Variants in USP43 observed in about 807,000 individuals in gnomAD.
The protein encoded by USP43 is ubiquitin carboxyl-terminal hydrolase 43.
USP43 carries 33 observed loss-of-function variants against 90.7 expected under a neutral mutation model. That is an observed-to-expected ratio of 0.36 (90% CI 0.28 to 0.49). The LOEUF (loss-of-function observed/expected upper bound fraction) is 0.49, where lower values mean the gene tolerates loss of function less well. Ranked by LOEUF, USP43 falls within the 20% of genes least tolerant of loss-of-function variation. The pLI is 0.98. For synonymous variants in USP43, 598 were observed against 615.8 expected (o/e 0.97, Z 0.43); for missense variants, 1,274 against 1,476.4 (o/e 0.86, Z 2.25).
chr17:9,728,323 C>T lies in USP43; in HGVS notation c.2705C>T (p.Ala902Val), dbSNP rs1244381254. The stretch of plus-strand genomic sequence containing the variant: ...TCGGCTCAACCCAACCACTGTCTGG[C>T]CCCTGGAAACTCAGATGGTCCAAAC... ...CPSAQPNHCLAPGNSDGPNTA... is the reference protein window; with the variant it reads ...CPSAQPNHCLVPGNSDGPNTA... Residue 902 changes from alanine (A) to valine (V), a missense_variant, in exon 15 of 15, where the codon GCC becomes GTC. Physicochemically the swap from Ala to Val is moderately conservative, Grantham distance 64. Around this residue, in one of 6 missense-constraint regions of USP43, gnomAD observed 353 missense variants for 329.7 expected, o/e 1.07. Transcript: ENST00000285199. The surrounding 1 kb of genome is among the most constrained non-coding windows in gnomAD (Gnocchi z 6.2). 2 of 1,612,388 alleles carry T rather than the reference C, an allele frequency of 1.2e-6. No homozygotes were observed. The highest frequency in any genetic ancestry group is 1.7e-5 in the Admixed American group (1 of 59,740).
At chr17:9,691,667 G>A (rs1253294691) in intron 8 of USP43, among the ~76,000 whole-genome samples, 1 of 152,114 alleles carries the variant, frequency 6.6e-6, no homozygotes, top group African/African-American at 2.4e-5. Flanking sequence ...TTCTACAGCA[G>A]CTGTACCATC....
At position 9,729,215 on chromosome 17, in the gene USP43, A is replaced by G. The variant is rs182331217; in HGVS notation, c.*225A>G. The stretch of plus-strand genomic sequence containing the variant: ...TTCCTGCATCATTGGGTGCTTTGCT[A>G]CAGTTTGGCCACTAGAGGATGCTAT... On this transcript the variant is annotated 3_prime_UTR_variant, in exon 15 of 15. Coordinates refer to ENST00000285199, the MANE Select transcript of USP43 (RefSeq NM_153210.5). 7 of 367,960 alleles carry G rather than the reference A, an allele frequency of 1.9e-5. No individual in the cohort carries two copies. The highest frequency in any genetic ancestry group is 4.2e-5 in the African/African-American group (2 of 47,934). 22.8% of individuals were successfully genotyped at this position (367,960 alleles called of 1,614,324 possible). A position where few individuals can be genotyped will look rare whatever the true frequency, so the allele number is the denominator to read the frequency against.
chr17:9,645,430 T>C (rs572410835), upstream of USP43: 1,139 of 341,918 alleles, frequency 3.3e-3, 13 homozygotes, highest in African/African-American at 0.023. This position sits in a 1 kb window ranked among gnomAD's most constrained non-coding sequence, Gnocchi z 6.8. Flanking sequence ...GGCCCGGCGC[T>C]GCCCTGGAGG....
chr17:9,704,964 G>A (rs1915792872), intron 12 of USP43, among the ~76,000 whole-genome samples: 1 of 152,130 alleles, frequency 6.6e-6, no homozygotes, highest in African/African-American at 2.4e-5. Context: ...AATCTCAAAT[G>A]CCTTTTGTTT....
chr17:9,680,432 T>G, intron 6 of USP43, 66 bp downstream of exon 6: 1 of 1,581,270 alleles, frequency 6.3e-7, no homozygotes, highest in South Asian at 1.1e-5. Context: ...AGGATACTCC[T>G]TGGGTGCAAA....
At chr17:9,654,169 A>ATTTTTTTT (rs1268984626) in intron 1 of USP43, among the ~76,000 whole-genome samples, 1 of 152,240 alleles carries the variant, frequency 6.6e-6, no homozygotes, top group African/African-American at 2.4e-5. Context: ...TGCCCAGCTG[A>ATTTTTTTT]CTTTTAATTG....
chr17:9,717,076 T>C lies in USP43; in HGVS notation c.2335+4944T>C, dbSNP rs576345194. Among the ~76,000 whole-genome samples, 3 of 151,288 alleles carry C rather than the reference T, an allele frequency of 2.0e-5. No homozygotes were observed. The East Asian group carries it at 5.9e-4, about 30-fold the overall frequency. ...ACTTGAACCCAGGAAGGAGAATCACTTGAACCCAGGAGGTGGAGGTTGCAA... is the reference window on the plus strand; with the variant it reads ...ACTTGAACCCAGGAAGGAGAATCACCTGAACCCAGGAGGTGGAGGTTGCAA... On this transcript the variant is annotated intron_variant, in intron 14 of 14. Coordinates refer to ENST00000285199, the MANE Select transcript of USP43 (RefSeq NM_153210.5).
intron 14 of USP43, among the ~76,000 whole-genome samples, chr17:9,722,406 G>C (rs117937664): frequency 6.6e-6 from 1 of 152,132 alleles, no homozygotes; most frequent in Non-Finnish European, 1.5e-5. Flanking sequence ...TTCAGAGGCC[G>C]TCTTATAATT....
At chr17:9,682,536 C>T (rs1914352043) in intron 6 of USP43, among the ~76,000 whole-genome samples, 1 of 152,244 alleles carries the variant, frequency 6.6e-6, no homozygotes, top group Non-Finnish European at 1.5e-5. Context: ...TGCCACTGTA[C>T]TCCATCCAGC....
chr17:9,690,843 C>CCA (rs759050789), intron 8 of USP43, among the ~76,000 whole-genome samples: 2 of 152,108 alleles, frequency 1.3e-5, no homozygotes, highest in Non-Finnish European at 2.9e-5. Flanking sequence ...CGAGATCGCA[C>CCA]CACTGCATTC....
Position 9,695,011 on chromosome 17 carries a change from C to T in USP43, c.1457+1781C>T, listed in dbSNP as rs552949608. On this transcript the variant is annotated intron_variant, in intron 9 of 14. Transcript: ENST00000285199. The stretch of plus-strand genomic sequence containing the variant: ...CTTTTACCATAGGTAGTTTGAGAAG[C>T]GCTAGAATTGAGTAGAGTTCTACAG... Among the ~76,000 whole-genome samples, 12 of 152,228 alleles carry T rather than the reference C, an allele frequency of 7.9e-5. No individual in the cohort carries two copies. In the South Asian group the frequency reaches 2.1e-3, roughly 26 times the overall value.
At chr17:9,675,046 C>T in intron 4 of USP43, 63 bp downstream of exon 4, 2 of 1,440,826 alleles carry the variant, frequency 1.4e-6, no homozygotes, top group Non-Finnish European at 2.0e-6. Flanking sequence ...TACGGGGAAG[C>T]TTCTGGCCTC....
intron 1 of USP43, among the ~76,000 whole-genome samples, chr17:9,652,293 C>G (rs1911924807): frequency 6.7e-6 from 1 of 149,434 alleles, no homozygotes; most frequent in Non-Finnish European, 1.5e-5. Flanking sequence ...TTAATTCTTC[C>G]CAAGCTAGTT....
Position 9,687,711 on chromosome 17 carries a change from A to C in USP43, c.1353+802A>C, listed in dbSNP as rs544405123. 7.2e-5 allele frequency among the ~76,000 whole-genome samples: 11 copies of C among 152,310 alleles called. 1 individual carries two copies. Among genetic ancestry groups the C allele is most frequent in the African/African-American group, 2.6e-4 (11 of 41,576 alleles). On this transcript the variant is annotated intron_variant, in intron 8 of 14. Coordinates refer to ENST00000285199, the MANE Select transcript of USP43 (RefSeq NM_153210.5). ...GGCACACACAGATCTTATCTCAGAG[A>C]TAATTCCTCATAATTCATGTTCCTT... is the stretch of plus-strand genomic sequence containing the variant.
At chr17:9,697,529 T>C (rs1365191926) in intron 9 of USP43, among the ~76,000 whole-genome samples, 1 of 152,236 alleles carries the variant, frequency 6.6e-6, no homozygotes, top group Non-Finnish European at 1.5e-5. Flanking sequence ...GTTCCCATCT[T>C]TATGTCCATG....
At chr17:9,685,299 C>A (rs900071601) in intron 7 of USP43, among the ~76,000 whole-genome samples, 4 of 152,216 alleles carry the variant, frequency 2.6e-5, no homozygotes, top group African/African-American at 9.6e-5. Flanking sequence ...GGAGTACCCA[C>A]GGCAGAGTTA....
At chr17:9,698,375 G>T (rs73257742) in intron 9 of USP43, among the ~76,000 whole-genome samples, 5,729 of 152,038 alleles carry the variant, frequency 0.038, 306 homozygotes, top group African/African-American at 0.11. Flanking sequence ...ATTTGCTTTC[G>T]AGGTCTCAGT....
intron 1 of USP43, among the ~76,000 whole-genome samples, chr17:9,648,053 C>T (rs1019975490): frequency 2.0e-5 from 3 of 151,980 alleles, no homozygotes; most frequent in Non-Finnish European, 4.4e-5. Context: ...CAAAAAACTC[C>T]GAAATTAGTA....
At chr17:9,705,070 T>A (rs1224902527) in intron 12 of USP43, among the ~76,000 whole-genome samples, 1 of 152,200 alleles carries the variant, frequency 6.6e-6, no homozygotes, top group Non-Finnish European at 1.5e-5. Flanking sequence ...AGATGGACAG[T>A]GACAAGTCTT....
Sources: gnomAD v4.1 joint callset for allele counts (sites outside exome capture counted in the v4.1 genomes callset) on GRCh38, gnomAD v4.1.1 for gene constraint, gnomAD v4.1.1 regional missense constraint, Gnocchi (gnomAD v3.1) non-coding constraint, MANE v1.5 for transcripts, NCBI Gene and HGNC (gene_info 2026-07-23, HGNC 2026-07-21) for gene names.